Variants in SORCS2 observed in about 807,000 individuals in gnomAD.
SORCS2 encodes sortilin related VPS10 domain containing receptor 2.
SORCS2 carries 100 observed loss-of-function variants against 141.6 expected under a neutral mutation model. The observed-to-expected ratio is 0.71, with a 90% CI of 0.60 to 0.83. The LOEUF (loss-of-function observed/expected upper bound fraction) is 0.83. Ranked by LOEUF, SORCS2 falls within the 40% of genes least tolerant of loss-of-function variation. The pLI, the probability that SORCS2 is intolerant of heterozygous loss-of-function variation, is 0.00. For missense variants in SORCS2, 1,646 were observed against 1,560.2 expected, an observed-to-expected ratio of 1.05 and a Z score of -0.93; for synonymous variants, 789 against 676.9, an observed-to-expected ratio of 1.17 and a Z score of -2.57.
intron 1 of SORCS2, among the ~76,000 whole-genome samples, chr4:7,243,250 G>T (rs559794665): frequency 1.3e-5 from 2 of 152,318 alleles, no homozygotes; most frequent in Admixed American, 1.3e-4. Flanking sequence ...GATTTAGGAG[G>T]TAGGTTTTGG....
intron 14 of SORCS2, among the ~76,000 whole-genome samples, chr4:7,711,971 A>G (rs974067141): frequency 6.6e-6 from 1 of 151,886 alleles, no homozygotes; most frequent in Admixed American, 6.6e-5. Context: ...CCTCAGCCAC[A>G]CTCAGGGAGT....
intron 1 of SORCS2, among the ~76,000 whole-genome samples, chr4:7,218,918 C>T (rs1204826213): frequency 2.6e-5 from 4 of 152,142 alleles, no homozygotes; most frequent in East Asian, 1.9e-4. Context: ...CTGCACTGCC[C>T]GCAGGCACTC....
chr4:7,652,551 CTG>C (rs1206644174), intron 4 of SORCS2, among the ~76,000 whole-genome samples: 1 of 152,168 alleles, frequency 6.6e-6, no homozygotes, highest in Non-Finnish European at 1.5e-5. Flanking sequence ...CTGAGTATCC[CTG>C]GCCCCATTCA....
chr4:7,622,390 A>G (rs1719253452), intron 3 of SORCS2, among the ~76,000 whole-genome samples: 1 of 152,174 alleles, frequency 6.6e-6, no homozygotes, highest in Admixed American at 6.5e-5. Flanking sequence ...TAAAGAAAAC[A>G]CTTGCACAGG....
Position 7,370,103 on chromosome 4 carries a change from T to G in SORCS2, c.481-26185T>G, listed in dbSNP as rs1722153426. Among the ~76,000 whole-genome samples the G allele has an allele frequency of 2.0e-5, 3 of 152,310 alleles. No homozygotes were observed. In the South Asian group the frequency reaches 6.2e-4, roughly 32 times the overall value. Reference sequence around the variant, plus strand: ...GCTTAGCTGTTTGCGGCTCTGCTCCTGGGTGGGGTGTGTGCAGGGGACCCA... The same window carrying G: ...GCTTAGCTGTTTGCGGCTCTGCTCCGGGGTGGGGTGTGTGCAGGGGACCCA... On this transcript the variant is annotated intron_variant, in intron 1 of 26. Transcript: ENST00000507866.
intron 2 of SORCS2, among the ~76,000 whole-genome samples, chr4:7,425,656 G>C (rs955931958): frequency 1.3e-5 from 2 of 152,184 alleles, no homozygotes; most frequent in East Asian, 3.8e-4. Flanking sequence ...ATTTTACAGC[G>C]GGAAATTCAA....
chr4:7,664,614 C>T lies in SORCS2; in HGVS notation c.1071+143C>T. On this transcript the variant is annotated intron_variant, in intron 7 of 26. Coordinates refer to ENST00000507866, the MANE Select transcript of SORCS2 (RefSeq NM_020777.3). This position sits in a 1 kb window ranked among gnomAD's most constrained non-coding sequence, Gnocchi z 4.7. ...AATGCTACTTCGCAGGTCACGGTTT[C>T]TGACCGTGGCTGTGGCTGCAGCCAT... The T allele has an allele frequency of 3.2e-6, 2 of 633,202 alleles. No homozygotes were observed. The highest frequency in any genetic ancestry group is 3.0e-5 in the East Asian group (1 of 33,898). 39.2% of individuals were successfully genotyped at this position (633,202 alleles called of 1,614,324 possible).
At chr4:7,654,938 T>G (rs1721664687) in intron 5 of SORCS2, among the ~76,000 whole-genome samples, 1 of 152,160 alleles carries the variant, frequency 6.6e-6, no homozygotes, top group African/African-American at 2.4e-5. Flanking sequence ...GTGTGCCCCC[T>G]GAGCACCCCA....
intron 12 of SORCS2, among the ~76,000 whole-genome samples, chr4:7,698,024 G>T (rs1724822818): frequency 6.6e-6 from 1 of 152,056 alleles, no homozygotes; most frequent in African/African-American, 2.4e-5. Context: ...CTGAGGGAGG[G>T]ATGCCAGTCG....
rs199566651 is a variant in SORCS2, at chr4:7,536,833, G to GTTT, written c.648+5204_648+5205insTTT. On this transcript the variant is annotated intron_variant, in intron 3 of 26. Coordinates refer to ENST00000507866, the MANE Select transcript of SORCS2 (RefSeq NM_020777.3). Reference sequence around the variant, plus strand: ...AGCGGATGTCCCCATACTCAGATGTGGGGGGGGGGGGCGGGCAGGGCCCAC... The same window carrying GTTT: ...AGCGGATGTCCCCATACTCAGATGTGTTTGGGGGGGGGGGCGGGCAGGGCCCAC... Among the ~76,000 whole-genome samples the GTTT allele has an allele frequency of 6.9e-4, 15 of 21,602 alleles. No homozygotes were observed. In the East Asian group the frequency reaches 0.075, roughly 108 times the overall value. The allele number at this position is 21,602 out of a possible 152,430, so 14.2% of individuals were successfully genotyped here. A position where few individuals can be genotyped will look rare whatever the true frequency, so the allele number is the denominator to read the frequency against.
intron 12 of SORCS2, among the ~76,000 whole-genome samples, chr4:7,702,291 G>A (rs1438579426): frequency 6.6e-6 from 1 of 152,218 alleles, no homozygotes; most frequent in Non-Finnish European, 1.5e-5. Context: ...ATGGGGCGAG[G>A]GCGATGTGTT....
rs920546700 is a variant in SORCS2 at position 7,663,330 on chromosome 4, TTGAG to T, written c.953-1005_953-1002del. Reference sequence around the variant, plus strand: ...AGTGAATGAATGAGTGAGTGAGTGATTGAGTGAGTGAGTGAGTGAGTCAGTCAGT... The same window carrying T: ...AGTGAATGAATGAGTGAGTGAGTGATTGAGTGAGTGAGTGAGTCAGTCAGT... On this transcript the variant is annotated intron_variant, in intron 6 of 26. Coordinates refer to ENST00000507866, the MANE Select transcript of SORCS2 (RefSeq NM_020777.3). This position sits in a 1 kb window ranked among gnomAD's most constrained non-coding sequence, Gnocchi z 4.8. Among the ~76,000 whole-genome samples the T allele has an allele frequency of 7.1e-4, 107 of 149,914 alleles. No individual in the cohort carries two copies. The highest frequency in any genetic ancestry group is 2.5e-3 in the African/African-American group (101 of 40,654).
At chr4:7,661,710 A>C in intron 6 of SORCS2, 146 bp downstream of exon 6, 1 of 772,550 alleles carries the variant, frequency 1.3e-6, no homozygotes, top group Non-Finnish European at 2.1e-6. Flanking sequence ...CATGATTTTA[A>C]ATGTGCTTGT....
chr4:7,199,730 A>C (rs575056397), intron 1 of SORCS2, among the ~76,000 whole-genome samples: 22 of 152,118 alleles, frequency 1.4e-4, no homozygotes, highest in African/African-American at 4.6e-4. Context: ...TTGTATTCTC[A>C]TCCAAGTTCA....
At chr4:7,668,300 G>A (rs1358855633) in intron 8 of SORCS2, among the ~76,000 whole-genome samples, 1 of 152,248 alleles carries the variant, frequency 6.6e-6, no homozygotes, top group Admixed American at 6.5e-5. Flanking sequence ...GTGTGTGCTC[G>A]AGTGCTTGTG....
chr4:7,676,584 C>T (rs899720793), intron 9 of SORCS2, among the ~76,000 whole-genome samples: 2 of 152,120 alleles, frequency 1.3e-5, no homozygotes, highest in Admixed American at 6.5e-5. Flanking sequence ...ATCAGACGTC[C>T]TGGGCTGGGG....
chr4:7,257,179 GA>G (rs768386977), intron 1 of SORCS2, among the ~76,000 whole-genome samples: 11 of 152,280 alleles, frequency 7.2e-5, no homozygotes, highest in South Asian at 2.1e-4. Context: ...CCAGAGGACA[GA>G]AGTGATATTT....
chr4:7,462,446 A>G (rs1053912027), intron 2 of SORCS2, among the ~76,000 whole-genome samples: 1 of 152,152 alleles, frequency 6.6e-6, no homozygotes, highest in East Asian at 1.9e-4. Context: ...TTATAAGCCT[A>G]TCAGTAGGCC....
At position 7,627,220 on chromosome 4, in the gene SORCS2, A is replaced by T. The variant is rs1280537514; in HGVS notation, c.649-11108A>T. Among the ~76,000 whole-genome samples the T allele has an allele frequency of 2.6e-5, 4 of 152,158 alleles. No homozygotes were observed. In the East Asian group the frequency reaches 5.8e-4, roughly 22 times the overall value. ...GGCTGGTCTCAAACTCCTGGACTCA[A>T]GCGATTCACCCACCTCGGCCTCTCA... On this transcript the variant is annotated intron_variant, in intron 3 of 26. Coordinates refer to ENST00000507866, the MANE Select transcript of SORCS2 (RefSeq NM_020777.3).
Sources: allele counts gnomAD v4.1 joint callset (sites outside exome capture counted in the v4.1 genomes callset), GRCh38; gene constraint gnomAD v4.1.1; non-coding constraint Gnocchi (gnomAD v3.1); transcripts MANE v1.5; gene names NCBI Gene and HGNC (gene_info 2026-07-23, HGNC 2026-07-21).